The following ALPK2 variants were observed in gnomAD, a reference collection of about 807,000 sequenced individuals.
ALPK2 encodes alpha kinase 2.
Under a neutral mutation model 163.1 loss-of-function variants are expected in ALPK2, and 127 were observed. The observed-to-expected ratio is 0.78, with a 90% CI of 0.67 to 0.90. The LOEUF (loss-of-function observed/expected upper bound fraction) is 0.90. Ranked by LOEUF, ALPK2 falls within the 40% of genes least tolerant of loss-of-function variation. The probability of loss-of-function intolerance (pLI) is 0.00; values close to 1 mark genes in which losing one functional copy is unlikely to be tolerated. For missense variants in ALPK2, 2,360 were observed against 2,589.6 expected (o/e 0.91, Z 1.92); for synonymous variants, 953 against 959.1 (o/e 0.99, Z 0.12).
intron 11 of ALPK2, among the ~76,000 whole-genome samples, chr18:58,499,005 A>C (rs759051960): frequency 2.6e-5 from 4 of 152,160 alleles, no homozygotes; most frequent in Non-Finnish European, 5.9e-5. Flanking sequence ...TCGTTTTTCA[A>C]TTCAGGACTG....
rs778492910 is a variant in ALPK2 at position 58,535,188 on chromosome 18, T to C, written c.4999A>G (p.Lys1667Glu). The change falls in exon 5 of 13, where the codon AAA becomes GAA. Residue 1667 changes from lysine to glutamate, a missense_variant. Physicochemically the swap from Lys to Glu is moderately conservative, Grantham distance 56. Transcript: ENST00000361673. ...SGERELEKAP[K>E]LLQDPCQKGT... Reference sequence around the variant, plus strand: ...TTTTGACATGGATCCTGCAGTAATTTAGGGGCTTTCTCTAACTCACGTTCT... The same window carrying C: ...TTTTGACATGGATCCTGCAGTAATTCAGGGGCTTTCTCTAACTCACGTTCT... The C allele has an allele frequency of 6.2e-7, 1 of 1,614,042 alleles. No homozygotes were observed. The highest frequency in any genetic ancestry group is 8.5e-7 in the Non-Finnish European group (1 of 1,180,006).
At chr18:58,561,626 C>T (rs1179443687) in intron 4 of ALPK2, among the ~76,000 whole-genome samples, 4 of 152,182 alleles carry the variant, frequency 2.6e-5, no homozygotes, top group Admixed American at 2.6e-4. Flanking sequence ...CTGCTGTGGA[C>T]AACAGGGGCC....
At chr18:58,485,709 G>T (rs143401390) in intron 12 of ALPK2, among the ~76,000 whole-genome samples, 1 of 152,206 alleles carries the variant, frequency 6.6e-6, no homozygotes, top group Non-Finnish European at 1.5e-5. Flanking sequence ...AGTGTTTCCT[G>T]TATGCCTGAG....
chr18:58,617,285 C>G (rs891635005), intron 1 of ALPK2, among the ~76,000 whole-genome samples: 4 of 152,192 alleles, frequency 2.6e-5, no homozygotes, highest in African/African-American at 4.8e-5. Context: ...CTCCCGGGTT[C>G]AAGCGATTCT....
intron 2 of ALPK2, among the ~76,000 whole-genome samples, chr18:58,610,468 C>A (rs1043241542): frequency 2.6e-5 from 4 of 152,074 alleles, no homozygotes; most frequent in Non-Finnish European, 4.4e-5. Context: ...ATGATAAATC[C>A]TTTTACCATT....
At position 58,528,894 on chromosome 18, in the gene ALPK2, G is replaced by A. The variant is rs1435660461; in HGVS notation, c.5501+197C>T. ...CAGAACTCAATTCTGGCAAAACCTG[G>A]GCAAGAATCCTCCATCATTTTCCCC... is the stretch of plus-strand genomic sequence containing the variant. On this transcript the variant is annotated intron_variant, in intron 6 of 12. Coordinates refer to ENST00000361673, the MANE Select transcript of ALPK2 (RefSeq NM_052947.4). 4.6e-6 allele frequency: 3 copies of A among 653,350 alleles called. No homozygotes were observed. In the East Asian group the frequency reaches 9.3e-5, roughly 20 times the overall value. The allele number at this position is 653,350 out of a possible 1,614,324, so 40.5% of individuals were successfully genotyped here.
At chr18:58,520,798 A>G (rs1238806468) in intron 8 of ALPK2, among the ~76,000 whole-genome samples, 1 of 152,232 alleles carries the variant, frequency 6.6e-6, no homozygotes, top group African/African-American at 2.4e-5. Context: ...AGAGAATTAA[A>G]TTAATAAACT....
intron 3 of ALPK2, among the ~76,000 whole-genome samples, chr18:58,604,944 C>G (rs968375274): frequency 1.3e-5 from 2 of 152,212 alleles, no homozygotes; most frequent in African/African-American, 2.4e-5. Context: ...TTCATTTATA[C>G]CCTCATCCTG....
At position 58,607,367 on chromosome 18, in the gene ALPK2, T is replaced by G; in HGVS notation, c.182A>C (p.Tyr61Ser). 1 of 1,613,814 alleles carries G rather than the reference T, an allele frequency of 6.2e-7. No individual in the cohort carries two copies. Among genetic ancestry groups the G allele is most frequent in the Non-Finnish European group, 8.5e-7 (1 of 1,179,870 alleles). ...AATATACTGATTCTCAAAGAATTCA[T>G]AGTTGGAAATAATGCCACTCCCATC... ...AIDGSGIISN[Y>S]EFFENQYIHV... Residue 61 changes from tyrosine (Y) to serine (S), a missense_variant, in exon 3 of 13, where the codon TAT (tyrosine) becomes TCT (serine). Tyr to Ser is a moderately radical substitution (Grantham distance 144, BLOSUM62 -2). Transcript: ENST00000361673.
chr18:58,493,530 A>G (rs774115192), intron 12 of ALPK2, among the ~76,000 whole-genome samples: 2 of 152,138 alleles, frequency 1.3e-5, no homozygotes, highest in Non-Finnish European at 2.9e-5. Flanking sequence ...CATTGAAGGC[A>G]GAGCCTTTCT....
intron 9 of ALPK2, among the ~76,000 whole-genome samples, chr18:58,516,400 T>A (rs1164186463): frequency 6.6e-6 from 1 of 152,204 alleles, no homozygotes; most frequent in Non-Finnish European, 1.5e-5. Flanking sequence ...TCTTCCTATA[T>A]TTTATACACT....
chr18:58,521,090 TC>T (rs1191697069), intron 8 of ALPK2, among the ~76,000 whole-genome samples: 1 of 152,120 alleles, frequency 6.6e-6, no homozygotes, highest in Admixed American at 6.5e-5. Context: ...AGGAGTTACT[TC>T]CCCAGCCGGG....
intron 10 of ALPK2, 79 bp from the exon 11 acceptor site, chr18:58,504,227 G>A (rs1602189755): frequency 8.7e-7 from 1 of 1,143,348 alleles, no homozygotes. Context: ...ACTCTCTCCT[G>A]GAGCAGCACG....
Position 58,607,338 on chromosome 18 carries a change from C to G in ALPK2, c.211G>C (p.Val71Leu), listed in dbSNP as rs764067749. ...GCCACTTACCAAGAGAGATGTAACA[C>G]ATGAATATACTGATTCTCAAAGAAT... The part of the protein sequence containing the change: ...YEFFENQYIH[V>L]LHLSCCTKND... The change falls in exon 3 of 13, where the codon GTG becomes CTG. Residue 71 changes from valine (V) to leucine (L), a missense_variant. Physicochemically the swap from Val to Leu is conservative, Grantham distance 32 (BLOSUM62 1). Coordinates refer to ENST00000361673, the MANE Select transcript of ALPK2 (RefSeq NM_052947.4). 1.9e-5 allele frequency: 31 copies of G among 1,611,040 alleles called. No individual in the cohort carries two copies. Among genetic ancestry groups the G allele is most frequent in the Non-Finnish European group, 2.5e-5 (29 of 1,178,362 alleles).
chr18:58,604,233 ACTTTT>A (rs1294234981), intron 3 of ALPK2, among the ~76,000 whole-genome samples: 1 of 152,218 alleles, frequency 6.6e-6, no homozygotes, highest in African/African-American at 2.4e-5. Flanking sequence ...GAAGAAAAGT[ACTTTT>A]CTTTGGGCTA....
At chr18:58,527,452 C>T (rs1035747334) in intron 6 of ALPK2, among the ~76,000 whole-genome samples, 15 of 152,282 alleles carry the variant, frequency 9.9e-5, no homozygotes, top group South Asian at 4.1e-4. Flanking sequence ...CTTAGCCACG[C>T]GTCATCAGTA....
chr18:58,594,839 C>T (rs771681540), intron 3 of ALPK2, among the ~76,000 whole-genome samples: 14 of 152,148 alleles, frequency 9.2e-5, no homozygotes, highest in Non-Finnish European at 1.5e-4. Flanking sequence ...TCTGCAGGAC[C>T]GTCCTGGGTG....
intron 1 of ALPK2, among the ~76,000 whole-genome samples, chr18:58,621,974 C>G (rs1308267678): frequency 6.6e-6 from 1 of 151,784 alleles, no homozygotes; most frequent in African/African-American, 2.4e-5. Flanking sequence ...CTCTCCTCTC[C>G]CCTGCTGTTT....
At chr18:58,511,050 G>A (rs1359750251) in intron 10 of ALPK2, among the ~76,000 whole-genome samples, 2 of 152,116 alleles carry the variant, frequency 1.3e-5, no homozygotes, top group Non-Finnish European at 2.9e-5. Flanking sequence ...ATTATTTTGA[G>A]ATACGTCCCA....
Sources: gnomAD v4.1 joint callset for allele counts (sites outside exome capture counted in the v4.1 genomes callset) on GRCh38, gnomAD v4.1.1 for gene constraint, MANE v1.5 for transcripts, NCBI Gene and HGNC (gene_info 2026-07-23, HGNC 2026-07-21) for gene names.